Variants in TMEM132C observed in about 807,000 individuals in gnomAD.
The protein encoded by TMEM132C is protein phosphatase 1, regulatory subunit 152.
TMEM132C carries 29 observed loss-of-function variants against 61.4 expected under a neutral mutation model. The ratio of observed to expected loss-of-function variants is 0.47; its 90% CI spans 0.35 to 0.64. TMEM132C has a LOEUF of 0.64. Among genes scored for constraint, TMEM132C ranks in the 30% least tolerant of loss-of-function variants. TMEM132C has a pLI of 0.00. For synonymous variants in TMEM132C, 656 were observed against 633.1 expected (o/e 1.04, Z -0.54); for missense variants, 1,408 against 1,476.9 (o/e 0.95, Z 0.76).
At chr12:128,582,247 A>G (rs1489418) in intron 3 of TMEM132C, among the ~76,000 whole-genome samples, 62,786 of 152,146 alleles carry the variant, frequency 0.41, 15,794 homozygotes, top group South Asian at 0.6. Flanking sequence ...CTGGGAAAAG[A>G]TATTCATACC....
chr12:128,631,716 A>G (rs1466379503), intron 4 of TMEM132C, among the ~76,000 whole-genome samples: 1 of 152,006 alleles, frequency 6.6e-6, no homozygotes, highest in East Asian at 1.9e-4. Flanking sequence ...TAGCCTAGCC[A>G]TTTGTCTCTT....
chr12:128,275,034 A>T (rs966992667), intron 1 of TMEM132C, among the ~76,000 whole-genome samples: 1 of 152,222 alleles, frequency 6.6e-6, no homozygotes, highest in African/African-American at 2.4e-5. Context: ...TTACTAAAAG[A>T]AGGTGTGATG....
intron 1 of TMEM132C, among the ~76,000 whole-genome samples, chr12:128,323,657 C>T (rs1872408631): frequency 6.6e-6 from 1 of 152,206 alleles, no homozygotes; most frequent in South Asian, 2.1e-4. Context: ...TGCCAATAAG[C>T]ACGGTAACAG....
intron 3 of TMEM132C, among the ~76,000 whole-genome samples, chr12:128,596,745 C>G (rs1393423984): frequency 6.6e-6 from 1 of 152,218 alleles, no homozygotes; most frequent in Non-Finnish European, 1.5e-5. Flanking sequence ...ACAGAGGTGG[C>G]AGGGCTTAAA....
intron 1 of TMEM132C, among the ~76,000 whole-genome samples, chr12:128,398,388 G>A (rs1593039300): frequency 6.6e-6 from 1 of 152,190 alleles, no homozygotes; most frequent in Non-Finnish European, 1.5e-5. Flanking sequence ...AGTGAGTTAC[G>A]GATTTGAAAT....
intron 5 of TMEM132C, among the ~76,000 whole-genome samples, chr12:128,675,353 G>T (rs1347269576): frequency 1.3e-5 from 2 of 152,136 alleles, no homozygotes; most frequent in African/African-American, 4.8e-5. Flanking sequence ...AAAAAACTGA[G>T]GCTCAGCAAA....
intron 2 of TMEM132C, among the ~76,000 whole-genome samples, chr12:128,513,321 A>C (rs745825664): frequency 7.2e-5 from 11 of 152,130 alleles, no homozygotes; most frequent in Non-Finnish European, 1.3e-4. Context: ...GCCCCCAAGT[A>C]TAGGGGAAGA....
At position 128,705,429 on chromosome 12, in the gene TMEM132C, G is replaced by T. The variant is rs763983646; in HGVS notation, c.2461G>T (p.Ala821Ser). 3.2e-6 allele frequency: 5 copies of T among 1,550,766 alleles called. No homozygotes were observed. The highest frequency in any genetic ancestry group is 1.4e-5 in the African/African-American group (1 of 73,042). ...DYEEDEIKNHASDRRQKGQHH... is the reference protein window; with the variant it reads ...DYEEDEIKNHSSDRRQKGQHH... ...TGAGGAAGATGAGATCAAGAACCAC[G>T]CCAGCGACCGCCGGCAGAAGGGCCA... Residue 821 changes from alanine (A) to serine (S), a missense_variant, in exon 9 of 9, where the codon GCC (alanine) becomes TCC (serine). Transcript: ENST00000435159.
chr12:128,274,886 A>G (rs1040621544), intron 1 of TMEM132C, among the ~76,000 whole-genome samples: 1 of 149,390 alleles, frequency 6.7e-6, no homozygotes, highest in African/African-American at 2.5e-5. Flanking sequence ...TCTTCAGGTG[A>G]TTCTAACTCT....
At chr12:128,338,777 T>TATATA (rs1565905368) in intron 1 of TMEM132C, among the ~76,000 whole-genome samples, 5 of 149,170 alleles carry the variant, frequency 3.4e-5, no homozygotes, top group African/African-American at 1.3e-4. Flanking sequence ...TATATATATA[T>TATATA]TTTGCACAAA....
chr12:128,474,685 T>C (rs115616318), intron 2 of TMEM132C, among the ~76,000 whole-genome samples: 1,599 of 152,234 alleles, frequency 0.011, 31 homozygotes, highest in African/African-American at 0.036. Flanking sequence ...GGAGAAGAAA[T>C]TACAATATAG....
At chr12:128,342,477 T>C (rs1873007784) in intron 1 of TMEM132C, among the ~76,000 whole-genome samples, 2 of 152,222 alleles carry the variant, frequency 1.3e-5, no homozygotes, top group Non-Finnish European at 1.5e-5. Context: ...CCAAACCTGT[T>C]TGAACAGAAG....
chr12:128,704,197 A>G (rs542315601), intron 8 of TMEM132C, among the ~76,000 whole-genome samples: 25 of 152,348 alleles, frequency 1.6e-4, no homozygotes, highest in African/African-American at 4.8e-4. Context: ...AGCAACATGG[A>G]TGATCCTGGA....
At chr12:128,576,444 C>G (rs1875098435) in intron 3 of TMEM132C, among the ~76,000 whole-genome samples, 1 of 152,198 alleles carries the variant, frequency 6.6e-6, no homozygotes, top group South Asian at 2.1e-4. Flanking sequence ...ATTAAAACAG[C>G]CCGTGAGTGG....
chr12:128,319,288 T>G (rs1200689192), intron 1 of TMEM132C, among the ~76,000 whole-genome samples: 1 of 152,096 alleles, frequency 6.6e-6, no homozygotes, highest in Non-Finnish European at 1.5e-5. Flanking sequence ...GTCAGAGGGT[T>G]GCTAATGGAA....
intron 4 of TMEM132C, among the ~76,000 whole-genome samples, chr12:128,622,355 AAAAAAATATATATATATAT>A (rs1334713486): frequency 1.8e-4 from 11 of 62,788 alleles, no homozygotes; most frequent in African/African-American, 9.3e-4. Flanking sequence ...AAAAAAAAAA[AAAAAAATATATATATATAT>A]ATATATATAT....
intron 2 of TMEM132C, among the ~76,000 whole-genome samples, chr12:128,508,404 A>G (rs77207600): frequency 0.025 from 3,792 of 152,276 alleles, 135 homozygotes; most frequent in African/African-American, 0.087. Flanking sequence ...TGACCCATCC[A>G]AAGGGCATCC....
intron 1 of TMEM132C, among the ~76,000 whole-genome samples, chr12:128,301,068 C>G (rs1005061619): frequency 3.9e-5 from 6 of 152,070 alleles, no homozygotes; most frequent in Non-Finnish European, 8.8e-5. Context: ...GAACAGAAAA[C>G]TCAGGGACCA....
chr12:128,517,384 G>A (rs1054619741), intron 2 of TMEM132C, among the ~76,000 whole-genome samples: 4 of 151,634 alleles, frequency 2.6e-5, no homozygotes, highest in South Asian at 4.2e-4. Flanking sequence ...GCAGTGAGCC[G>A]AGATCACACC....
Sources: gnomAD v4.1 joint callset for allele counts (sites outside exome capture counted in the v4.1 genomes callset) on GRCh38, gnomAD v4.1.1 for gene constraint, MANE v1.5 for transcripts, NCBI Gene and HGNC (gene_info 2026-07-23, HGNC 2026-07-21) for gene names.